Variants in TEX15 observed in about 807,000 individuals in gnomAD.
TEX15 encodes testis expressed 15, meiosis and synapsis associated, also known as testis-expressed protein 15.
TEX15 carries 171 observed loss-of-function variants against 237.3 expected under a neutral mutation model. That is an observed-to-expected ratio of 0.72 (90% CI 0.64 to 0.82). The LOEUF (loss-of-function observed/expected upper bound fraction) is 0.82, where lower values mean the gene tolerates loss of function less well. Ranked by LOEUF, TEX15 falls within the 40% of genes least tolerant of loss-of-function variation. TEX15 has a pLI of 0.00. For synonymous variants in TEX15, 1,338 were observed against 1,269.8 expected (o/e 1.05, Z -1.14); for missense variants, 3,750 against 3,646.5 (o/e 1.03, Z -0.73).
intron 8 of TEX15, among the ~76,000 whole-genome samples, chr8:30,841,077 C>T (rs1189033882): frequency 6.6e-6 from 1 of 152,106 alleles, no homozygotes; most frequent in Non-Finnish European, 1.5e-5. Flanking sequence ...GTCACCATGT[C>T]TGGCTAATTT....
chr8:30,851,018 T>C (rs1807772715), intron 7 of TEX15, among the ~76,000 whole-genome samples: 1 of 152,182 alleles, frequency 6.6e-6, no homozygotes. Flanking sequence ...TTAATATGGT[T>C]CATGGAAGTA....
chr8:30,912,769 A>G (rs867340501), intron 1 of TEX15, 110 bp downstream of exon 1: 7 of 152,376 alleles, frequency 4.6e-5, no homozygotes, highest in African/African-American at 1.4e-4. Flanking sequence ...CCAGAAGAGT[A>G]GCGTCTGAGA....
rs1361049566 is a variant in TEX15 at position 30,843,647 on chromosome 8, T to G, written c.6520A>C (p.Asn2174His). 6.2e-7 allele frequency: 1 copy of G among 1,612,600 alleles called. No homozygotes were observed. The highest frequency in any genetic ancestry group is 1.3e-5 in the African/African-American group (1 of 74,996). The stretch of plus-strand genomic sequence containing the variant: ...TGCTCCATTATGGCTTCACATTCAT[T>G]AACCTGTCGTTTGTACTTTAAGAAT... ...YVFLKYKRQV[N>H]ECEAIMEHCS... The change falls in exon 8 of 11, where the codon AAT becomes CAT. Residue 2174 changes from asparagine (N) to histidine (H), a missense_variant. Transcript: ENST00000643185.
intron 4 of TEX15, among the ~76,000 whole-genome samples, chr8:30,869,670 C>T (rs1330506958): frequency 6.6e-6 from 1 of 152,022 alleles, no homozygotes; most frequent in African/African-American, 2.4e-5. Context: ...TCTAATAAAA[C>T]TACTGCTTTA....
chr8:30,842,218 T>A lies in TEX15; in HGVS notation c.7949A>T (p.Gln2650Leu). 6 of 1,612,560 alleles carry A rather than the reference T, an allele frequency of 3.7e-6. No individual in the cohort carries two copies. The highest frequency in any genetic ancestry group is 4.2e-6 in the Non-Finnish European group (5 of 1,179,390). The change falls in exon 8 of 11, where the codon CAG (glutamine) becomes CTG (leucine). Residue 2650 changes from glutamine (Q) to leucine (L), a missense_variant. By Grantham distance (113) the Gln-to-Leu change is moderately radical. Transcript: ENST00000643185. Reference protein sequence around the residue: ...QMLYNRRKILQLKRKEKMNIH... With the variant: ...QMLYNRRKILLLKRKEKMNIH... ...ATTCATTTTTTCTTTTCTCTTCAGC[T>A]GTAAAATCTTCCTTCTGTTATACAG...
chr8:30,844,967 T>C lies in TEX15; in HGVS notation c.5200A>G (p.Lys1734Glu), dbSNP rs1282843844. 3 of 1,613,480 alleles carry C rather than the reference T, an allele frequency of 1.9e-6. No homozygotes were observed. Among genetic ancestry groups the C allele is most frequent in the East Asian group, 2.2e-5 (1 of 44,886 alleles). Residue 1734 changes from lysine (K) to glutamate (E), a missense_variant, in exon 8 of 11, where the codon AAA (lysine) becomes GAA (glutamate). Lys to Glu is a moderately conservative substitution (Grantham distance 56). Transcript: ENST00000643185. ...ATTCTCTGCTTATCCAAGTAAGATT[T>C]TGAAGATTCTCCCTCACTATCTGTC... The part of the protein sequence containing the change: ...AVTDSEGESS[K>E]SYLDKQRILT...
At chr8:30,900,446 TTA>T (rs1274110990) in intron 1 of TEX15, among the ~76,000 whole-genome samples, 6 of 152,234 alleles carry the variant, frequency 3.9e-5, no homozygotes, top group African/African-American at 1.2e-4. Flanking sequence ...TTAGCAACAA[TTA>T]TATGAGTAAT....
intron 1 of TEX15, among the ~76,000 whole-genome samples, chr8:30,907,485 T>C (rs2128780169): frequency 6.8e-6 from 1 of 147,200 alleles, no homozygotes; most frequent in East Asian, 2.0e-4. Flanking sequence ...ATATAAATTA[T>C]ATATAAAATG....
chr8:30,849,855 C>A (rs535073572), intron 7 of TEX15, among the ~76,000 whole-genome samples: 1 of 151,472 alleles, frequency 6.6e-6, no homozygotes, highest in Non-Finnish European at 1.5e-5. Flanking sequence ...GCCGAGATTG[C>A]GCCACTGCAC....
chr8:30,867,940 G>T (rs373827824), intron 4 of TEX15, among the ~76,000 whole-genome samples: 1 of 152,052 alleles, frequency 6.6e-6, no homozygotes, highest in African/African-American at 2.4e-5. Context: ...GCCAATTCTT[G>T]TCTGTCAGGT....
In TEX15 at chr8:30,843,405, G is replaced by A. The variant is rs752978425; in HGVS notation, c.6762C>T (p.Asn2254=). The A allele has an allele frequency of 2.5e-6, 4 of 1,612,800 alleles. No homozygotes were observed. The highest frequency in any genetic ancestry group is 1.3e-5 in the African/African-American group (1 of 74,846). The change falls in exon 8 of 11, where the codon AAC becomes AAT. Residue 2254 remains asparagine, a synonymous_variant. Transcript: ENST00000643185. The part of the protein sequence containing the change: ...MISSKVNFIK[N]NEAVRVKISL... ...ATATTTTAACACGTACTGCCTCGTT[G>A]TTCTTAATAAAATTAACCTTTGAGG...
chr8:30,896,146 A>C (rs1029708970), intron 2 of TEX15, among the ~76,000 whole-genome samples: 2 of 152,138 alleles, frequency 1.3e-5, no homozygotes, highest in Non-Finnish European at 2.9e-5. Context: ...ACGACCCGTA[A>C]AGTTTTTTTA....
chr8:30,893,938 A>G (rs1483780015), intron 2 of TEX15, among the ~76,000 whole-genome samples: 2 of 152,034 alleles, frequency 1.3e-5, no homozygotes, highest in African/African-American at 4.8e-5. Flanking sequence ...TCAAATTTCT[A>G]TCTTTATTCT....
Position 30,845,324 on chromosome 8 carries a change from T to C in TEX15, c.4843A>G (p.Ser1615Gly), listed in dbSNP as rs769354152. The change falls in exon 8 of 11, where the codon AGT becomes GGT. Residue 1615 changes from serine (S) to glycine (G), a missense_variant. Physicochemically the swap from Ser to Gly is moderately conservative, Grantham distance 56 (BLOSUM62 0). Coordinates refer to ENST00000643185, the MANE Select transcript of TEX15 (RefSeq NM_001350162.2). ...SCDANEVINE[S>G]NSVSLSCIKE... ...ATGCAACTTAAAGATACAGAATTAC[T>C]TTCATTTATTACTTCATTAGCGTCA... is the stretch of plus-strand genomic sequence containing the variant. 1.9e-6 allele frequency: 3 copies of C among 1,612,676 alleles called. No homozygotes were observed. The highest frequency in any genetic ancestry group is 1.7e-5 in the Admixed American group (1 of 59,860).
At position 30,860,972 on chromosome 8, in the gene TEX15, G is replaced by A. The variant is rs140057972; in HGVS notation, c.541-915C>T. Among the ~76,000 whole-genome samples the A allele has an allele frequency of 9.9e-4, 150 of 151,896 alleles. 2 individuals carry two copies. In the East Asian group the frequency reaches 0.024, roughly 25 times the overall value. On this transcript the variant is annotated intron_variant, in intron 5 of 10. Coordinates refer to ENST00000643185, the MANE Select transcript of TEX15 (RefSeq NM_001350162.2). ...AATTGACAATGATGGAACAGGACAA[G>A]TGACTTGCAATTACACATATAAAAA...
At chr8:30,908,298 G>A (rs901252394) in intron 1 of TEX15, among the ~76,000 whole-genome samples, 1 of 152,056 alleles carries the variant, frequency 6.6e-6, no homozygotes, top group African/African-American at 2.4e-5. Flanking sequence ...GGACTCAAGC[G>A]ATCCTCCTGC....
Position 30,843,361 on chromosome 8 carries a change from T to C in TEX15, c.6806A>G (p.His2269Arg), listed in dbSNP as rs761354019. The C allele has an allele frequency of 1.2e-6, 2 of 1,610,542 alleles. No homozygotes were observed. The highest frequency in any genetic ancestry group is 1.1e-5 in the South Asian group (1 of 90,864). Residue 2269 changes from histidine (H) to arginine (R), a missense_variant, in exon 8 of 11, where the codon CAT (histidine) becomes CGT (arginine). Physicochemically the swap from His to Arg is conservative, Grantham distance 29 (BLOSUM62 0). Transcript: ENST00000643185. ...RVKISLYGLE[H>R]IFFDAAKNLV... ...ATTTTTTGCAGCATCAAAAAAGATATGTTCCAGACCATAAAGAGATATTTT... is the reference window on the plus strand; with the variant it reads ...ATTTTTTGCAGCATCAAAAAAGATACGTTCCAGACCATAAAGAGATATTTT...
chr8:30,840,683 A>C (rs1352708759), intron 8 of TEX15, among the ~76,000 whole-genome samples: 1 of 152,178 alleles, frequency 6.6e-6, no homozygotes, highest in Non-Finnish European at 1.5e-5. Context: ...CAGTACTACT[A>C]CTTATTACTA....
At chr8:30,905,684 T>C (rs1459842604) in intron 1 of TEX15, among the ~76,000 whole-genome samples, 1 of 133,292 alleles carries the variant, frequency 7.5e-6, no homozygotes, top group African/African-American at 3.0e-5. Context: ...AGCTCAGGAG[T>C]TCAAGACCAG....
Sources: gnomAD v4.1 joint callset for allele counts (sites outside exome capture counted in the v4.1 genomes callset) on GRCh38, gnomAD v4.1.1 for gene constraint, MANE v1.5 for transcripts, NCBI Gene and HGNC (gene_info 2026-07-23, HGNC 2026-07-21) for gene names.